Variants in MYO9A observed in about 807,000 individuals in gnomAD.
MYO9A encodes the protein myosin IXA, also known as unconventional myosin-IXa.
A neutral mutation model predicts 293.3 loss-of-function variants in MYO9A; 103 were observed. The ratio of observed to expected loss-of-function variants is 0.35; its 90% CI spans 0.30 to 0.41. The LOEUF (loss-of-function observed/expected upper bound fraction) is 0.41. MYO9A is among the 10% of genes least tolerant of loss of function. MYO9A has a pLI of 1.00. For missense variants in MYO9A, 2,685 were observed against 3,033.0 expected, an observed-to-expected ratio of 0.89 and a Z score of 2.69; for synonymous variants, 1,001 against 1,035.7, an observed-to-expected ratio of 0.97 and a Z score of 0.64.
chr15:71,959,848 T>TAAAAA, intron 14 of MYO9A, 53 bp downstream of exon 14: 1 of 1,148,724 alleles, frequency 8.7e-7, no homozygotes, highest in Non-Finnish European at 1.2e-6. Context: ...AGTAGAAAGG[T>TAAAAA]AAAAAAAAAA....
Position 71,901,307 on chromosome 15 carries a change from G to C in MYO9A, c.3034C>G (p.Gln1012Glu), listed in dbSNP as rs1353648788. ...FLKEQERQHL[Q>E]DLLHQEVLRR... ...AGCACCTCTTGGTGAAGCAGATCTTGTAAGTGCTGTCGTTCCTGCTCCTTT... is the reference window on the plus strand; with the variant it reads ...AGCACCTCTTGGTGAAGCAGATCTTCTAAGTGCTGTCGTTCCTGCTCCTTT... The change falls in exon 23 of 42, where the codon CAA becomes GAA. Residue 1012 changes from glutamine to glutamate, a missense_variant. Physicochemically the swap from Gln to Glu is conservative, Grantham distance 29. Around this residue, in one of 10 missense-constraint regions of MYO9A, gnomAD observed 1,434 missense variants for 1,497.7 expected, o/e 0.96. Coordinates refer to ENST00000356056, the MANE Select transcript of MYO9A (RefSeq NM_006901.4). 6.2e-7 allele frequency: 1 copy of C among 1,613,880 alleles called. No individual in the cohort carries two copies. The highest frequency in any genetic ancestry group is 1.3e-5 in the African/African-American group (1 of 75,042).
intron 1 of MYO9A, among the ~76,000 whole-genome samples, chr15:72,055,564 T>C (rs1242321952): frequency 6.6e-6 from 1 of 152,004 alleles, no homozygotes; most frequent in Non-Finnish European, 1.5e-5. Flanking sequence ...ACAATGTGTA[T>C]ATCCAATAAA....
chr15:71,890,800 G>T (rs2057153128), intron 26 of MYO9A: 1 of 151,968 alleles, frequency 6.6e-6, no homozygotes, highest in South Asian at 2.1e-4. Flanking sequence ...CAATTAGAAA[G>T]GTCATACAGC....
intron 1 of MYO9A, among the ~76,000 whole-genome samples, chr15:72,085,100 A>C (rs1175998241): frequency 1.3e-5 from 2 of 152,152 alleles, no homozygotes; most frequent in East Asian, 3.9e-4. Context: ...TTCTGCTATT[A>C]ATACCTGCAG....
intron 39 of MYO9A, among the ~76,000 whole-genome samples, chr15:71,840,450 C>T (rs1285972418): frequency 6.6e-6 from 1 of 151,894 alleles, no homozygotes; most frequent in African/African-American, 2.4e-5. Flanking sequence ...CAAGTGGAGC[C>T]CATGGTAGTC....
intron 41 of MYO9A, among the ~76,000 whole-genome samples, chr15:71,827,584 A>G (rs1291398681): frequency 6.6e-6 from 1 of 152,230 alleles, no homozygotes; most frequent in Non-Finnish European, 1.5e-5. Flanking sequence ...TAAACAATGT[A>G]TATGGAAGCT....
chr15:71,837,708 T>C (rs1316198598), intron 39 of MYO9A, among the ~76,000 whole-genome samples: 1 of 152,066 alleles, frequency 6.6e-6, no homozygotes, highest in Admixed American at 6.5e-5. Context: ...AAATGGAAAC[T>C]CCTACAGCCT....
rs567484951 is a variant in MYO9A, at chr15:71,935,291, G to GACAAAAA, written c.2522+43_2522+49dup. 3.5e-5 allele frequency: 53 copies of GACAAAAA among 1,505,112 alleles called. No homozygotes were observed. The Middle Eastern group carries it at 5.4e-4, about 15-fold the overall frequency. The allele number at this position is 1,505,112 out of a possible 1,614,324, so 93.2% of individuals were successfully genotyped here. On this transcript the variant is annotated intron_variant, in intron 17 of 41. Coordinates refer to ENST00000356056, the MANE Select transcript of MYO9A (RefSeq NM_006901.4). ...TTTTTCTGCCAGAAATTTTAAACCA[G>GACAAAAA]ACAAAAAACAAAAAACAAAAAACAA...
chr15:72,085,872 T>C (rs2079705013), intron 1 of MYO9A, among the ~76,000 whole-genome samples: 1 of 152,228 alleles, frequency 6.6e-6, no homozygotes, highest in Admixed American at 6.5e-5. Flanking sequence ...TTCAGTCAAC[T>C]GGCTTCATTT....
intron 1 of MYO9A, among the ~76,000 whole-genome samples, chr15:72,071,397 G>A (rs2079185899): frequency 1.3e-5 from 2 of 152,240 alleles, no homozygotes; most frequent in Admixed American, 1.3e-4. Context: ...AAAAATAAGA[G>A]ATGTTGGCAA....
At chr15:71,990,815 A>G (rs2076525545) in intron 11 of MYO9A, among the ~76,000 whole-genome samples, 1 of 152,066 alleles carries the variant, frequency 6.6e-6, no homozygotes, top group Non-Finnish European at 1.5e-5. Context: ...CTCTTTTAGT[A>G]AAATATCACA....
At chr15:72,061,036 G>A (rs2078863937) in intron 1 of MYO9A, among the ~76,000 whole-genome samples, 1 of 152,096 alleles carries the variant, frequency 6.6e-6, no homozygotes. Flanking sequence ...CCCCATTCCA[G>A]GCTCTACATC....
At chr15:72,103,332 G>GC (rs546497439) in intron 1 of MYO9A, among the ~76,000 whole-genome samples, 183 of 146,228 alleles carry the variant, frequency 1.3e-3, no homozygotes, top group Middle Eastern at 0.011. Flanking sequence ...AGCAGCAGCA[G>GC]AAGCAGAAGC....
At chr15:71,998,740 C>T (rs929506905) in intron 9 of MYO9A, among the ~76,000 whole-genome samples, 1 of 151,758 alleles carries the variant, frequency 6.6e-6, no homozygotes, top group East Asian at 1.9e-4. Flanking sequence ...TCCCCCACCG[C>T]ACAACAGTCC....
chr15:72,001,447 G>A (rs2076861368), intron 8 of MYO9A, among the ~76,000 whole-genome samples: 1 of 151,264 alleles, frequency 6.6e-6, no homozygotes, highest in African/African-American at 2.4e-5. Flanking sequence ...ACAGCTACTC[G>A]GGTGGCTGAG....
rs367906893 is a variant in MYO9A, at chr15:72,041,309, C to CA, written c.840+4414dup. On this transcript the variant is annotated intron_variant, in intron 2 of 41. Transcript: ENST00000356056. ...TTTATTTGCCTAGTTCACTTTCTGG[C>CA]AGTTTAAGATCCTCAGGAACTTCAT... 5.1e-4 allele frequency: 399 copies of CA among 786,858 alleles called. 3 individuals carry two copies. In the African/African-American group the frequency reaches 5.6e-3, roughly 11 times the overall value. The allele number at this position is 786,858 out of a possible 1,614,324, so 48.7% of individuals were successfully genotyped here. A position where few individuals can be genotyped will look rare whatever the true frequency, so the allele number is the denominator to read the frequency against.
chr15:71,878,816 G>T (rs1317958093), intron 30 of MYO9A, among the ~76,000 whole-genome samples: 1 of 143,460 alleles, frequency 7.0e-6, no homozygotes, highest in Non-Finnish European at 1.5e-5. Flanking sequence ...GCATGATCTC[G>T]GCTCACTGCA....
In MYO9A at chr15:71,901,204, G is replaced by A; in HGVS notation, c.3137C>T (p.Ser1046Phe). Residue 1046 changes from serine (S) to phenylalanine (F), a missense_variant, in exon 23 of 42, where the codon TCT becomes TTT. Transcript: ENST00000356056. Reference sequence around the variant, plus strand: ...TTTGCTTCTCACCTGGATAATAACAGATGCTTGTCTCAGATGGAGGAAATG... The same window carrying A: ...TTTGCTTCTCACCTGGATAATAACAAATGCTTGTCTCAGATGGAGGAAATG... ...RQHFLHLRQA[S>F]VIIQRFWRNY... is the part of the protein sequence containing the mutation. 6.2e-7 allele frequency: 1 copy of A among 1,612,084 alleles called. No individual in the cohort carries two copies. Among genetic ancestry groups the A allele is most frequent in the Non-Finnish European group, 8.5e-7 (1 of 1,179,390 alleles).
At chr15:72,106,229 G>A (rs2080563519) in intron 1 of MYO9A, among the ~76,000 whole-genome samples, 1 of 150,908 alleles carries the variant, frequency 6.6e-6, no homozygotes, top group South Asian at 2.1e-4. Context: ...TGTAATCTCA[G>A]CACTCTGGGA....
Sources: gnomAD v4.1 joint callset for allele counts (sites outside exome capture counted in the v4.1 genomes callset) on GRCh38, gnomAD v4.1.1 for gene constraint, gnomAD v4.1.1 regional missense constraint, MANE v1.5 for transcripts, NCBI Gene and HGNC (gene_info 2026-07-23, HGNC 2026-07-21) for gene names.